The following MCCC1 variants were observed in gnomAD, a reference collection of about 807,000 sequenced individuals.
MCCC1 encodes methylcrotonoyl-CoA carboxylase subunit alpha, mitochondrial.
Under a neutral mutation model 83.8 loss-of-function variants are expected in MCCC1, and 64 were observed. The observed-to-expected ratio is 0.76, with a 90% CI of 0.62 to 0.94. MCCC1 has a LOEUF of 0.94. Ranked by LOEUF, MCCC1 falls within the 40% of genes least tolerant of loss-of-function variation. MCCC1 has a pLI of 0.00. For missense variants in MCCC1, 807 were observed against 904.7 expected, an observed-to-expected ratio of 0.89 and a Z score of 1.39; for synonymous variants, 322 against 315.4, an observed-to-expected ratio of 1.02 and a Z score of -0.22.
chr3:183,087,511 A>T lies in MCCC1; in HGVS notation c.274-723T>A, dbSNP rs114543450. On this transcript the variant is annotated intron_variant, in intron 3 of 18. Coordinates refer to ENST00000265594, the MANE Select transcript of MCCC1 (RefSeq NM_020166.5). ...AAACCAAGGGCATAAATGCTGTAGG[A>T]GGAAGGCCTGATCTGGTCTGAAGGT... is the stretch of plus-strand genomic sequence containing the variant. 5.2e-3 allele frequency among the ~76,000 whole-genome samples: 790 copies of T among 152,276 alleles called. 7 individuals carry two copies. Among genetic ancestry groups the T allele is most frequent in the African/African-American group, 0.018 (738 of 41,558 alleles).
At chr3:183,086,865 G>A (rs1717932766) in intron 3 of MCCC1, 77 bp from the exon 4 acceptor site, 5 of 1,297,578 alleles carry the variant, frequency 3.9e-6, no homozygotes, top group African/African-American at 1.5e-5. Context: ...CTGCTTCAGG[G>A]TCATTTTATT....
intron 16 of MCCC1, among the ~76,000 whole-genome samples, chr3:183,021,760 C>T (rs1712178649): frequency 6.6e-6 from 1 of 152,134 alleles, no homozygotes; most frequent in South Asian, 2.1e-4. Flanking sequence ...TCCTCAACTC[C>T]ATATATAGTA....
chr3:183,108,518 T>C (rs974351279), intron 1 of MCCC1, among the ~76,000 whole-genome samples: 4 of 152,232 alleles, frequency 2.6e-5, no homozygotes, highest in Admixed American at 2.0e-4. Flanking sequence ...AGAATTGTGT[T>C]TCATTCTCCA....
chr3:183,065,042 G>A (rs1716150847), intron 7 of MCCC1, among the ~76,000 whole-genome samples: 1 of 151,254 alleles, frequency 6.6e-6, no homozygotes, highest in Non-Finnish European at 1.5e-5. Flanking sequence ...AAGGATTTGT[G>A]AGGCTAGTCT....
At chr3:183,017,189 A>C (rs1398957482) in intron 18 of MCCC1, 77 bp downstream of exon 18, 3 of 1,334,000 alleles carry the variant, frequency 2.2e-6, no homozygotes, top group Non-Finnish European at 3.2e-6. Context: ...GTATTAACTT[A>C]CAAAATAAGG....
intron 13 of MCCC1, among the ~76,000 whole-genome samples, chr3:183,034,914 A>G (rs1489299411): frequency 2.0e-5 from 3 of 151,782 alleles, no homozygotes; most frequent in African/African-American, 7.3e-5. Flanking sequence ...AGTAGCTGGG[A>G]TTACAGGTGG....
Position 183,071,265 on chromosome 3 carries a change from G to T in MCCC1, c.584C>A (p.Ala195Asp), listed in dbSNP as rs1034891662. Residue 195 changes from alanine to aspartate, a missense_variant, in exon 6 of 19, where the codon GCC becomes GAC. Transcript: ENST00000265594. ...DQSDQCLKEH[A>D]RRIGYPVMIK... ...CATGACAGGATAGCCAATTCTCCTG[G>T]CGTGTTCCTTCAGGCACTGGTCTGA... is the stretch of plus-strand genomic sequence containing the variant. The T allele has an allele frequency of 1.2e-6, 2 of 1,614,190 alleles. No homozygotes were observed. Among genetic ancestry groups the T allele is most frequent in the Non-Finnish European group, 1.7e-6 (2 of 1,180,038 alleles).
intron 13 of MCCC1, among the ~76,000 whole-genome samples, chr3:183,036,667 G>A (rs1713628381): frequency 6.6e-6 from 1 of 151,496 alleles, no homozygotes; most frequent in South Asian, 2.1e-4. Flanking sequence ...AGCCTCCCGA[G>A]TAGCTGGGAC....
upstream of MCCC1, among the ~76,000 whole-genome samples, chr3:183,101,289 G>C (rs114830081): frequency 1.3e-4 from 20 of 152,344 alleles, no homozygotes; most frequent in Middle Eastern, 0.01. Context: ...GCGAGCGCAC[G>C]GCGGCGCAGG....
At position 183,064,744 on chromosome 3, in the gene MCCC1, C is replaced by T. The variant is rs1445908091; in HGVS notation, c.761+6255G>A. ...CGCGGGCAGCCGGCTCCGTGGACAGCAGGGCGAAGCGGGTAATGTAGGGGT... is the reference window on the plus strand; with the variant it reads ...CGCGGGCAGCCGGCTCCGTGGACAGTAGGGCGAAGCGGGTAATGTAGGGGT... On this transcript the variant is annotated intron_variant, in intron 7 of 18. Transcript: ENST00000265594. This position sits in a 1 kb window ranked among gnomAD's most constrained non-coding sequence, Gnocchi z 4.5. Among the ~76,000 whole-genome samples, 1 of 152,230 alleles carries T rather than the reference C, an allele frequency of 6.6e-6. No homozygotes were observed. The highest frequency in any genetic ancestry group is 1.5e-5 in the Non-Finnish European group (1 of 68,030).
At chr3:183,093,306 A>G (rs1718501770) in intron 2 of MCCC1, among the ~76,000 whole-genome samples, 1 of 152,260 alleles carries the variant, frequency 6.6e-6, no homozygotes, top group Admixed American at 6.5e-5. Flanking sequence ...TATCATTGTT[A>G]TCTCAATTTT....
intron 3 of MCCC1, among the ~76,000 whole-genome samples, chr3:183,092,196 T>C (rs1382738864): frequency 1.3e-5 from 2 of 152,240 alleles, no homozygotes. Flanking sequence ...ATAAAGACCT[T>C]GCCTGTAAAT....
At chr3:183,111,382 C>T (rs545545891) in intron 1 of MCCC1, among the ~76,000 whole-genome samples, 1 of 152,312 alleles carries the variant, frequency 6.6e-6, no homozygotes, top group African/African-American at 2.4e-5. Context: ...TCACTGCAAC[C>T]TCTGCCTCCC....
intron 4 of MCCC1, among the ~76,000 whole-genome samples, chr3:183,079,470 G>A (rs571707565): frequency 1.3e-5 from 2 of 152,296 alleles, no homozygotes; most frequent in Admixed American, 6.5e-5. Context: ...TCCATGTCTC[G>A]CATCTGGATC....
At chr3:183,059,035 G>A (rs547068987) in intron 7 of MCCC1, among the ~76,000 whole-genome samples, 26 of 152,160 alleles carry the variant, frequency 1.7e-4, no homozygotes, top group African/African-American at 5.1e-4. Context: ...TGCTGGGCAC[G>A]GTTGGTGCAC....
intron 9 of MCCC1, 74 bp downstream of exon 9, chr3:183,052,085 G>A: frequency 7.3e-7 from 1 of 1,378,372 alleles, no homozygotes; most frequent in Non-Finnish European, 1.0e-6. Flanking sequence ...TTTAAAAGTT[G>A]TGTTTCTCTT....
At chr3:183,099,233 G>A (rs1372525358) in intron 1 of MCCC1, 119 bp downstream of exon 1, 4 of 1,221,442 alleles carry the variant, frequency 3.3e-6, no homozygotes, top group Non-Finnish European at 4.6e-6. Context: ...AGTGCCTGGG[G>A]TTTTCCTACC....
intron 8 of MCCC1, among the ~76,000 whole-genome samples, chr3:183,056,115 AT>A (rs1392773177): frequency 6.6e-6 from 1 of 152,210 alleles, no homozygotes; most frequent in African/African-American, 2.4e-5. Context: ...CTATACAGAT[AT>A]AAATTTAAGT....
chr3:183,074,793 G>T (rs903549944), intron 4 of MCCC1, among the ~76,000 whole-genome samples: 1 of 152,188 alleles, frequency 6.6e-6, no homozygotes, highest in East Asian at 1.9e-4. Context: ...TGTCACAGGG[G>T]TTTGTTGTAC....
Sources: allele counts gnomAD v4.1 joint callset (sites outside exome capture counted in the v4.1 genomes callset), GRCh38; gene constraint gnomAD v4.1.1; non-coding constraint Gnocchi (gnomAD v3.1); transcripts MANE v1.5; gene names NCBI Gene and HGNC (gene_info 2026-07-23, HGNC 2026-07-21).